Variants in FSTL5 observed in about 807,000 individuals in gnomAD.
The protein encoded by FSTL5 is follistatin like 5.
FSTL5 carries 62 observed loss-of-function variants against 89.1 expected under a neutral mutation model. That is an observed-to-expected ratio of 0.70 (90% CI 0.57 to 0.86). The LOEUF (loss-of-function observed/expected upper bound fraction) is 0.86. FSTL5 is among the 40% of genes least tolerant of loss of function. FSTL5 has a pLI of 0.00. For missense variants in FSTL5, 1,057 were observed against 1,001.6 expected, an observed-to-expected ratio of 1.06 and a Z score of -0.75; for synonymous variants, 383 against 346.2, an observed-to-expected ratio of 1.11 and a Z score of -1.18.
Position 161,560,957 on chromosome 4 carries a change from T to C in FSTL5, c.1016-18264A>G, listed in dbSNP as rs564558426. Among the ~76,000 whole-genome samples the C allele has an allele frequency of 2.0e-5, 3 of 152,146 alleles. No individual in the cohort carries two copies. In the South Asian group the frequency reaches 6.2e-4, roughly 32 times the overall value. The stretch of plus-strand genomic sequence containing the variant: ...TTATTATTATTATTATCAAGTATTA[T>C]GTAGTATACATAATTGTATATGCCA... On this transcript the variant is annotated intron_variant, in intron 8 of 15. Coordinates refer to ENST00000306100, the MANE Select transcript of FSTL5 (RefSeq NM_020116.5).
chr4:161,695,422 T>A (rs180711355), intron 6 of FSTL5, among the ~76,000 whole-genome samples: 1,692 of 88,204 alleles, frequency 0.019, 14 homozygotes, highest in Non-Finnish European at 0.03. Flanking sequence ...TTCCATGGTG[T>A]ACGTGTGTGT....
At chr4:161,558,413 A>G (rs1184341200) in intron 8 of FSTL5, among the ~76,000 whole-genome samples, 1 of 151,874 alleles carries the variant, frequency 6.6e-6, no homozygotes, top group Non-Finnish European at 1.5e-5. Context: ...AAGAATTTAC[A>G]GTTATCTCAA....
intron 4 of FSTL5, among the ~76,000 whole-genome samples, chr4:161,800,495 A>T (rs1267963459): frequency 1.3e-5 from 2 of 151,684 alleles, no homozygotes; most frequent in African/African-American, 2.4e-5. Context: ...GTCTTTGAAA[A>T]GAGAAAATCT....
rs1737990450 is a variant in FSTL5, at chr4:162,042,187, T to G, written c.127-8529A>C. 3 of 152,070 alleles carry G rather than the reference T, an allele frequency of 2.0e-5. No homozygotes were observed. In the South Asian group the frequency reaches 6.2e-4, roughly 32 times the overall value. The allele number at this position is 152,070 out of a possible 1,614,324, so 9.4% of individuals were successfully genotyped here. Reference sequence around the variant, plus strand: ...AAAAAAAATGTTATATGAAGCAAATTCATGTGTGTCTAAATTGAAAATAAT... The same window carrying G: ...AAAAAAAATGTTATATGAAGCAAATGCATGTGTGTCTAAATTGAAAATAAT... On this transcript the variant is annotated intron_variant, in intron 2 of 15. Transcript: ENST00000306100.
At chr4:161,566,110 A>AC in intron 8 of FSTL5, among the ~76,000 whole-genome samples, 1 of 45,850 alleles carries the variant, frequency 2.2e-5, no homozygotes, top group African/African-American at 9.9e-5. Context: ...CTATATATAT[A>AC]TATATATATA....
In FSTL5 at chr4:161,556,844, G is replaced by GTATATATATATATATATATA. The variant is rs962466232; in HGVS notation, c.1016-14152_1016-14151insTATATATATATATATATATA. 2.5e-3 allele frequency among the ~76,000 whole-genome samples: 367 copies of GTATATATATATATATATATA among 144,764 alleles called. 2 individuals are homozygous for GTATATATATATATATATATA. The highest frequency in any genetic ancestry group is 4.0e-3 in the Non-Finnish European group (256 of 64,166). 95.0% of individuals were successfully genotyped at this position (144,764 alleles called of 152,430 possible). On this transcript the variant is annotated intron_variant, in intron 8 of 15. Coordinates refer to ENST00000306100, the MANE Select transcript of FSTL5 (RefSeq NM_020116.5). ...TATATATATATGTGTGTGTGTGTGTGTGTATATATATATATATAATCCTGG... is the reference window on the plus strand; with the variant it reads ...TATATATATATGTGTGTGTGTGTGTGTATATATATATATATATATATGTATATATATATATATAATCCTGG...
chr4:161,863,367 T>C (rs1459090503), intron 4 of FSTL5, among the ~76,000 whole-genome samples: 1 of 152,168 alleles, frequency 6.6e-6, no homozygotes, highest in Non-Finnish European at 1.5e-5. Context: ...GGAAGTTTTA[T>C]CATCAAAGAT....
intron 6 of FSTL5, among the ~76,000 whole-genome samples, chr4:161,668,957 C>T (rs976999847): frequency 1.3e-5 from 2 of 151,234 alleles, no homozygotes; most frequent in African/African-American, 2.4e-5. Context: ...ACTAAAAATA[C>T]AAAAATTAGC....
chr4:161,614,617 T>G (rs1190062280), intron 7 of FSTL5, among the ~76,000 whole-genome samples: 1 of 152,192 alleles, frequency 6.6e-6, no homozygotes. Flanking sequence ...ATGCTTATGT[T>G]GCATGATACA....
At chr4:161,655,940 C>T (rs1244230407) in intron 7 of FSTL5, among the ~76,000 whole-genome samples, 1 of 152,056 alleles carries the variant, frequency 6.6e-6, no homozygotes, top group Non-Finnish European at 1.5e-5. Flanking sequence ...TTTCCTTTTA[C>T]AAAATTGTGA....
At chr4:161,594,853 G>A (rs979899630) in intron 7 of FSTL5, among the ~76,000 whole-genome samples, 5 of 151,556 alleles carry the variant, frequency 3.3e-5, no homozygotes, top group East Asian at 1.9e-4. Context: ...TAAATATGTC[G>A]AGTGCTATGC....
chr4:162,011,001 T>C lies in FSTL5; in HGVS notation c.160+22624A>G, dbSNP rs183661145. Among the ~76,000 whole-genome samples, 575 of 152,324 alleles carry C rather than the reference T, an allele frequency of 3.8e-3. 6 individuals are homozygous for C. Among genetic ancestry groups the C allele is most frequent in the Non-Finnish European group, 5.9e-3 (404 of 68,016 alleles). Reference sequence around the variant, plus strand: ...TATGGTAATTCTGTGTTAAAGATCATTAGTTTTTGAAGAATTCTGTGTATC... The same window carrying C: ...TATGGTAATTCTGTGTTAAAGATCACTAGTTTTTGAAGAATTCTGTGTATC... On this transcript the variant is annotated intron_variant, in intron 3 of 15. Transcript: ENST00000306100.
intron 8 of FSTL5, among the ~76,000 whole-genome samples, chr4:161,550,468 T>C (rs538031997): frequency 2.6e-4 from 39 of 151,966 alleles, no homozygotes; most frequent in Non-Finnish European, 4.3e-4. Flanking sequence ...TAGAACAGAG[T>C]AGTTATTGCA....
intron 6 of FSTL5, among the ~76,000 whole-genome samples, chr4:161,667,571 T>C (rs1351201895): frequency 6.6e-6 from 1 of 152,132 alleles, no homozygotes; most frequent in African/African-American, 2.4e-5. Context: ...ACAAGTGAGT[T>C]ACTCCTTGTA....
chr4:161,820,020 C>T (rs1290077161), intron 4 of FSTL5, among the ~76,000 whole-genome samples: 5 of 151,888 alleles, frequency 3.3e-5, no homozygotes, highest in Non-Finnish European at 5.9e-5. Flanking sequence ...TAAACTTTTA[C>T]TTTATTATGC....
chr4:162,144,686 T>C (rs554369436), intron 1 of FSTL5, among the ~76,000 whole-genome samples: 34 of 152,140 alleles, frequency 2.2e-4, no homozygotes, highest in Non-Finnish European at 4.6e-4. Context: ...CACAAAAAAG[T>C]GAATACATAT....
intron 7 of FSTL5, among the ~76,000 whole-genome samples, chr4:161,604,539 C>A (rs1291499678): frequency 6.6e-6 from 1 of 152,150 alleles, no homozygotes; most frequent in East Asian, 1.9e-4. Flanking sequence ...TCCCAAGGAA[C>A]AGGCTCTTCT....
At chr4:161,594,957 A>C (rs1733960126) in intron 7 of FSTL5, among the ~76,000 whole-genome samples, 1 of 152,038 alleles carries the variant, frequency 6.6e-6, no homozygotes, top group African/African-American at 2.4e-5. Flanking sequence ...AAGAAAACTA[A>C]AATATACTGA....
intron 11 of FSTL5, among the ~76,000 whole-genome samples, chr4:161,500,941 T>G (rs1022262737): frequency 1.3e-5 from 2 of 152,084 alleles, no homozygotes; most frequent in African/African-American, 4.8e-5. Flanking sequence ...TCTCTTTGTT[T>G]CCTCTGCTTC....
Sources: gnomAD v4.1 joint callset for allele counts (sites outside exome capture counted in the v4.1 genomes callset) on GRCh38, gnomAD v4.1.1 for gene constraint, MANE v1.5 for transcripts, NCBI Gene and HGNC (gene_info 2026-07-23, HGNC 2026-07-21) for gene names.